The following HPSE2 variants were observed in gnomAD, a reference collection of about 807,000 sequenced individuals.
HPSE2 encodes inactive heparanase-2.
In HPSE2, 38 loss-of-function variants were observed where a neutral mutation model predicts 60.5. The ratio of observed to expected loss-of-function variants is 0.63; its 90% CI spans 0.48 to 0.82. The LOEUF is 0.82. Ranked by LOEUF, HPSE2 falls within the 40% of genes least tolerant of loss-of-function variation. The pLI, the probability that HPSE2 is intolerant of heterozygous loss-of-function variation, is 0.00. For synonymous variants in HPSE2, 295 were observed against 293.2 expected, an observed-to-expected ratio of 1.01 and a Z score of -0.06; for missense variants, 713 against 740.4, an observed-to-expected ratio of 0.96 and a Z score of 0.43.
chr10:99,290,284 A>G, the HPSE2 span, among the ~76,000 whole-genome samples: 1 of 152,342 alleles, frequency 6.6e-6, no homozygotes, highest in African/African-American at 2.4e-5. Flanking sequence ...GAGCTTCTAA[A>G]AGGCAGAACC....
chr10:99,307,824 G>A, the HPSE2 span, among the ~76,000 whole-genome samples: 1 of 111,874 alleles, frequency 8.9e-6, no homozygotes, highest in Non-Finnish European at 1.7e-5. Flanking sequence ...ATTATACCTA[G>A]TAAATGCGCA....
intron 3 of HPSE2, among the ~76,000 whole-genome samples, chr10:98,939,759 C>T (rs1447030743): frequency 1.4e-5 from 2 of 144,206 alleles, no homozygotes; most frequent in Non-Finnish European, 3.0e-5. Context: ...AACTCTCCAA[C>T]ACAAATCAAC....
At chr10:98,788,988 C>G (rs1293895693) in intron 3 of HPSE2, among the ~76,000 whole-genome samples, 1 of 152,186 alleles carries the variant, frequency 6.6e-6, no homozygotes, top group Non-Finnish European at 1.5e-5. Flanking sequence ...CACTTCTTAT[C>G]CTTCTCACTT....
At chr10:98,772,212 C>G (rs2801392) in intron 3 of HPSE2, among the ~76,000 whole-genome samples, 129,964 of 152,220 alleles carry the variant, frequency 0.85, 55,824 homozygotes, top group African/African-American at 0.93. Context: ...GACTGGCAGA[C>G]AGTTACACAA....
At chr10:99,089,726 T>C (rs1018564698) in intron 3 of HPSE2, among the ~76,000 whole-genome samples, 1 of 152,156 alleles carries the variant, frequency 6.6e-6, no homozygotes, top group African/African-American at 2.4e-5. Flanking sequence ...TGGTGGTATT[T>C]TGATAGGAAT....
At chr10:99,162,779 GTC>G (rs1846895328) in intron 2 of HPSE2, among the ~76,000 whole-genome samples, 2 of 152,010 alleles carry the variant, frequency 1.3e-5, no homozygotes, top group Non-Finnish European at 2.9e-5. Flanking sequence ...GTTTCAAAAT[GTC>G]TCAGTGTTGT....
intron 3 of HPSE2, among the ~76,000 whole-genome samples, chr10:98,753,315 C>T (rs1949802066): frequency 6.6e-6 from 1 of 151,996 alleles, no homozygotes; most frequent in Non-Finnish European, 1.5e-5. Context: ...ATGTAAAATG[C>T]TGCAGCCTCT....
intron 2 of HPSE2, among the ~76,000 whole-genome samples, chr10:99,179,182 T>C (rs941446895): frequency 6.6e-6 from 1 of 152,076 alleles, no homozygotes; most frequent in Admixed American, 6.5e-5. Flanking sequence ...GGGCAAAAAC[T>C]AGAAGTATTC....
intron 2 of HPSE2, among the ~76,000 whole-genome samples, chr10:99,213,620 T>G (rs189461650): frequency 6.2e-4 from 94 of 152,208 alleles, no homozygotes; most frequent in Admixed American, 2.7e-3. Context: ...CCTTGAGTAT[T>G]TGTGCTCTGG....
intron 2 of HPSE2, among the ~76,000 whole-genome samples, chr10:99,185,343 A>T (rs1847963741): frequency 6.6e-6 from 1 of 151,976 alleles, no homozygotes; most frequent in Non-Finnish European, 1.5e-5. Flanking sequence ...AAACTAAATG[A>T]AAACTATAAA....
intron 2 of HPSE2, among the ~76,000 whole-genome samples, chr10:99,220,491 G>A (rs945845049): frequency 6.6e-6 from 1 of 152,108 alleles, no homozygotes; most frequent in Non-Finnish European, 1.5e-5. Context: ...TGTTGAAAGT[G>A]GTTATACCTA....
chr10:99,246,183 C>G, the HPSE2 span, among the ~76,000 whole-genome samples: 5 of 152,012 alleles, frequency 3.3e-5, no homozygotes, highest in African/African-American at 9.7e-5. Context: ...TTTCATGGAC[C>G]AATGTTCGTA....
intron 3 of HPSE2, among the ~76,000 whole-genome samples, chr10:99,101,630 G>C (rs762181875): frequency 2.0e-5 from 3 of 152,082 alleles, no homozygotes; most frequent in Non-Finnish European, 4.4e-5. Flanking sequence ...TGCACCAAGT[G>C]GACCTAATAG....
At chr10:98,812,367 G>A (rs1016895676) in intron 3 of HPSE2, among the ~76,000 whole-genome samples, 2 of 152,006 alleles carry the variant, frequency 1.3e-5, no homozygotes, top group African/African-American at 4.8e-5. Flanking sequence ...GGCTACTCCA[G>A]GAATTCTCAA....
At chr10:98,611,387 G>A (rs1486607012) in intron 9 of HPSE2, among the ~76,000 whole-genome samples, 2 of 152,074 alleles carry the variant, frequency 1.3e-5, no homozygotes, top group Non-Finnish European at 2.9e-5. Flanking sequence ...CAGGGGGAGG[G>A]GTAAAATGGG....
chr10:98,960,878 C>T (rs1486923091), intron 3 of HPSE2, among the ~76,000 whole-genome samples: 3 of 136,678 alleles, frequency 2.2e-5, no homozygotes, highest in Non-Finnish European at 4.7e-5. Context: ...TCTCCCAATG[C>T]TATCCCTCCC....
chr10:99,086,346 C>CTTTTTTTTTTTTTTTTTTTTT (rs66562418), intron 3 of HPSE2, among the ~76,000 whole-genome samples: 3 of 82,998 alleles, frequency 3.6e-5, no homozygotes, highest in East Asian at 8.6e-4. Flanking sequence ...AAAGTACTTT[C>CTTTTTTTTTTTTTTTTTTTTT]TTTTTTTTTT....
chr10:98,837,756 C>A (rs991927198), intron 3 of HPSE2, among the ~76,000 whole-genome samples: 1 of 152,060 alleles, frequency 6.6e-6, no homozygotes, highest in African/African-American at 2.4e-5. Context: ...CGCCTGCAGT[C>A]CCAGCTGCTG....
At chr10:98,561,346 T>G (rs547764827) in intron 9 of HPSE2, among the ~76,000 whole-genome samples, 1 of 152,208 alleles carries the variant, frequency 6.6e-6, no homozygotes, top group East Asian at 1.9e-4. Flanking sequence ...CGTGTGTGTT[T>G]CTGTCTTAGT....
Sources: gnomAD v4.1 joint callset for allele counts (sites outside exome capture counted in the v4.1 genomes callset) on GRCh38, gnomAD v4.1.1 for gene constraint, MANE v1.5 for transcripts, NCBI Gene and HGNC (gene_info 2026-07-23, HGNC 2026-07-21) for gene names.